Variants in PPP2R2D observed in about 807,000 individuals in gnomAD.
PPP2R2D encodes the protein protein phosphatase 2 regulatory subunit Bdelta.
Under a neutral mutation model 31.1 loss-of-function variants are expected in PPP2R2D, and 9 were observed. That is an observed-to-expected ratio of 0.29 (90% CI 0.17 to 0.51). The LOEUF (loss-of-function observed/expected upper bound fraction) is 0.51. PPP2R2D is among the 20% of genes least tolerant of loss of function. PPP2R2D has a pLI of 0.98. For missense variants in PPP2R2D, 391 were observed against 465.6 expected (o/e 0.84, Z 1.48); for synonymous variants, 179 against 172.6 (o/e 1.04, Z -0.29).
At chr10:131,904,358 A>C (rs1409334844) in intron 2 of PPP2R2D, among the ~76,000 whole-genome samples, 2 of 151,944 alleles carry the variant, frequency 1.3e-5, no homozygotes, top group Non-Finnish European at 2.9e-5. Flanking sequence ...AAAAATACAA[A>C]AATTAGCCGG....
chr10:131,934,690 A>T, intron 3 of PPP2R2D, 135 bp downstream of exon 3: 3 of 659,090 alleles, frequency 4.6e-6, no homozygotes, highest in Non-Finnish European at 8.4e-6. Flanking sequence ...GCCATACAGA[A>T]TCTCCTTTCA....
intron 3 of PPP2R2D, chr10:131,935,005 A>G (rs2036313406): frequency 2.2e-6 from 1 of 454,372 alleles, no homozygotes; most frequent in Non-Finnish European, 4.4e-6. Flanking sequence ...CTTCAGGGAG[A>G]GGTGAGCAGC....
In PPP2R2D at chr10:131,920,120, C is replaced by T. The variant is rs1470550424; in HGVS notation, c.101-14338C>T. Among the ~76,000 whole-genome samples, 17 of 109,892 alleles carry T rather than the reference C, an allele frequency of 1.5e-4. 1 individual carries two copies. Among genetic ancestry groups the T allele is most frequent in the Non-Finnish European group, 5.5e-5 (3 of 54,228 alleles). The allele number at this position is 109,892 out of a possible 152,430, so 72.1% of individuals were successfully genotyped here. A position where few individuals can be genotyped will look rare whatever the true frequency, so the allele number is the denominator to read the frequency against. ...AATGACAGTGTTTGTAGGGACCTCA[C>T]GCGGGTGGAATTACACAGTGTAGGG... On this transcript the variant is annotated intron_variant, in intron 2 of 8. Coordinates refer to ENST00000455566, the MANE Select transcript of PPP2R2D (RefSeq NM_018461.5).
At position 131,956,655 on chromosome 10, in the gene PPP2R2D, G is replaced by A. The variant is rs917771724; in HGVS notation, c.*692G>A. On this transcript the variant is annotated 3_prime_UTR_variant, in exon 9 of 9. Transcript: ENST00000455566. ...GAAATGTGTGTCCTTCTTTGGCAGC[G>A]TGGGGGTATGTGTGCAGCATTTCTG... The A allele has an allele frequency of 1.5e-5, 11 of 723,936 alleles. No homozygotes were observed. Among genetic ancestry groups the A allele is most frequent in the South Asian group, 6.3e-5 (1 of 15,998 alleles). The allele number at this position is 723,936 out of a possible 1,614,324, so 44.8% of individuals were successfully genotyped here.
chr10:131,934,920 C>T (rs1554896246), intron 3 of PPP2R2D: 1 of 457,838 alleles, frequency 2.2e-6, no homozygotes, highest in Admixed American at 2.3e-5. Flanking sequence ...GCCGTCCTGC[C>T]CTGCCATGAA....
In PPP2R2D at chr10:131,955,936, G is replaced by A. The variant is rs782025121; in HGVS notation, c.1335G>A (p.Leu445=). 5 of 1,569,282 alleles carry A rather than the reference G, an allele frequency of 3.2e-6. No homozygotes were observed. The highest frequency in any genetic ancestry group is 3.5e-6 in the Non-Finnish European group (4 of 1,153,140). ...NVIAVAATNN[L]YIFQDKIN is the part of the protein sequence containing the mutation. ...TTGCCGTGGCTGCCACCAATAACTTGTACATATTCCAGGACAAAATCAACT... is the reference window on the plus strand; with the variant it reads ...TTGCCGTGGCTGCCACCAATAACTTATACATATTCCAGGACAAAATCAACT... The change falls in exon 9 of 9, where the codon TTG becomes TTA. Residue 445 remains leucine, a synonymous_variant. Transcript: ENST00000455566.
rs905475766 is a variant in PPP2R2D at position 131,945,252 on chromosome 10, A to G, written c.656-43A>G. On this transcript the variant is annotated intron_variant, in intron 6 of 8. Coordinates refer to ENST00000455566, the MANE Select transcript of PPP2R2D (RefSeq NM_018461.5). This position sits in a 1 kb window ranked among gnomAD's most constrained non-coding sequence, Gnocchi z 4.8. ...CGTGACTGAATGTAGACTAATTAACAACCAGCTGAGCTGAGCACTGTGCCT... is the reference window on the plus strand; with the variant it reads ...CGTGACTGAATGTAGACTAATTAACGACCAGCTGAGCTGAGCACTGTGCCT... 46 of 1,579,746 alleles carry G rather than the reference A, an allele frequency of 2.9e-5. No homozygotes were observed. Among genetic ancestry groups the G allele is most frequent in the Non-Finnish European group, 3.3e-5 (38 of 1,159,758 alleles).
At chr10:131,920,686 G>T (rs1441775357) in intron 2 of PPP2R2D, among the ~76,000 whole-genome samples, 1 of 152,166 alleles carries the variant, frequency 6.6e-6, no homozygotes, top group African/African-American at 2.4e-5. Context: ...CCAGCACTTT[G>T]GGAGGCTGAG....
At chr10:131,943,746 G>T (rs374139612) in intron 5 of PPP2R2D, among the ~76,000 whole-genome samples, 1 of 152,166 alleles carries the variant, frequency 6.6e-6, no homozygotes, top group Admixed American at 6.5e-5. Context: ...GGAACATGTC[G>T]ACCTCGGTAA....
At chr10:131,934,769 T>G in intron 3 of PPP2R2D, 1 of 587,832 alleles carries the variant, frequency 1.7e-6, no homozygotes, top group Non-Finnish European at 3.2e-6. Flanking sequence ...GTCTTCAGAG[T>G]AGGGAGGAGA....
chr10:131,925,259 A>C (rs1014693351), intron 2 of PPP2R2D, among the ~76,000 whole-genome samples: 1 of 152,208 alleles, frequency 6.6e-6, no homozygotes, highest in South Asian at 2.1e-4. Flanking sequence ...CAGACTCATC[A>C]TGAAGTGTGA....
chr10:131,934,252 C>T (rs1264059751), intron 2 of PPP2R2D, among the ~76,000 whole-genome samples: 2 of 152,112 alleles, frequency 1.3e-5, no homozygotes, highest in African/African-American at 4.8e-5. Context: ...GTAAAACTCG[C>T]CCATTCACCT....
chr10:131,968,589 G>T, the PPP2R2D span: 9 of 1,571,892 alleles, frequency 5.7e-6, no homozygotes, highest in Non-Finnish European at 3.5e-6. Context: ...AAAATTATCA[G>T]TAGTTAATGT....
chr10:131,965,035 ATAAAG>A, the PPP2R2D span, among the ~76,000 whole-genome samples: 12 of 152,150 alleles, frequency 7.9e-5, no homozygotes, highest in African/African-American at 2.9e-4. Flanking sequence ...CTTTTTTCAC[ATAAAG>A]TATACTATAT....
chr10:131,914,519 C>T (rs2035740007), intron 2 of PPP2R2D, among the ~76,000 whole-genome samples: 1 of 152,144 alleles, frequency 6.6e-6, no homozygotes, highest in African/African-American at 2.4e-5. Flanking sequence ...TTGTAGGAAT[C>T]CTACAGGAAA....
rs573553373 is a variant in PPP2R2D at position 131,949,746 on chromosome 10, C to T, written c.1082+1955C>T. Among the ~76,000 whole-genome samples, 36 of 151,444 alleles carry T rather than the reference C, an allele frequency of 2.4e-4. No homozygotes were observed. In the East Asian group the frequency reaches 6.4e-3, roughly 27 times the overall value. ...AGAAATGACAAGTATGATACATGAC[C>T]GCCAAACATGACGTGGAGACTGGAA... is the stretch of plus-strand genomic sequence containing the variant. On this transcript the variant is annotated intron_variant, in intron 8 of 8. Transcript: ENST00000455566.
At position 131,919,609 on chromosome 10, in the gene PPP2R2D, G is replaced by A. The variant is rs568342439; in HGVS notation, c.101-14849G>A. On this transcript the variant is annotated intron_variant, in intron 2 of 8. Coordinates refer to ENST00000455566, the MANE Select transcript of PPP2R2D (RefSeq NM_018461.5). Reference sequence around the variant, plus strand: ...GACAGTGTTTGTAGGGACCTCAGGCGGGTGGAATGACACAGTGTTTGTAGG... The same window carrying A: ...GACAGTGTTTGTAGGGACCTCAGGCAGGTGGAATGACACAGTGTTTGTAGG... 2.4e-4 allele frequency among the ~76,000 whole-genome samples: 30 copies of A among 126,722 alleles called. 2 individuals carry two copies. The highest frequency in any genetic ancestry group is 4.1e-4 in the African/African-American group (14 of 34,052). 83.1% of individuals were successfully genotyped at this position (126,722 alleles called of 152,430 possible). A position where few individuals can be genotyped will look rare whatever the true frequency, so the allele number is the denominator to read the frequency against.
chr10:131,903,293 C>A (rs1243178538), intron 2 of PPP2R2D, among the ~76,000 whole-genome samples: 1 of 151,636 alleles, frequency 6.6e-6, no homozygotes, highest in Admixed American at 6.6e-5. Context: ...ACAGTGAAAC[C>A]CCGTCTCTGC....
At position 131,904,510 on chromosome 10, in the gene PPP2R2D, A is replaced by G. The variant is rs904804752; in HGVS notation, c.100+3180A>G. Reference sequence around the variant, plus strand: ...GGGCGACAGAGCAAGACTTTGTCTCAAAAAAAAAAAGAGAGATGGGCAGTT... The same window carrying G: ...GGGCGACAGAGCAAGACTTTGTCTCGAAAAAAAAAAGAGAGATGGGCAGTT... On this transcript the variant is annotated intron_variant, in intron 2 of 8. Transcript: ENST00000455566. Among the ~76,000 whole-genome samples, 6 of 148,062 alleles carry G rather than the reference A, an allele frequency of 4.1e-5. No homozygotes were observed. In the South Asian group the frequency reaches 1.3e-3, roughly 32 times the overall value.
Sources: gnomAD v4.1 joint callset for allele counts (sites outside exome capture counted in the v4.1 genomes callset) on GRCh38, gnomAD v4.1.1 for gene constraint, Gnocchi (gnomAD v3.1) non-coding constraint, MANE v1.5 for transcripts, NCBI Gene and HGNC (gene_info 2026-07-23, HGNC 2026-07-21) for gene names.